The following EYA4 variants were observed in gnomAD, a reference collection of about 807,000 sequenced individuals.
EYA4 encodes the protein protein phosphatase EYA4.
EYA4 carries 31 observed loss-of-function variants against 87.9 expected under a neutral mutation model. That is an observed-to-expected ratio of 0.35 (90% CI 0.27 to 0.48). EYA4 has a LOEUF of 0.48. EYA4 is among the 20% of genes least tolerant of loss of function. The pLI is 0.99. For synonymous variants in EYA4, 263 were observed against 270.6 expected, an observed-to-expected ratio of 0.97 and a Z score of 0.28; for missense variants, 678 against 761.4, an observed-to-expected ratio of 0.89 and a Z score of 1.29.
At chr6:133,433,232 A>G (rs556254888) in intron 3 of EYA4, among the ~76,000 whole-genome samples, 1 of 152,364 alleles carries the variant, frequency 6.6e-6, no homozygotes, top group East Asian at 1.9e-4. Flanking sequence ...TGAGAAGCCA[A>G]TATAAGTTCT....
At chr6:133,393,512 T>A (rs1787485696) in intron 3 of EYA4, among the ~76,000 whole-genome samples, 1 of 151,812 alleles carries the variant, frequency 6.6e-6, no homozygotes, top group African/African-American at 2.4e-5. Context: ...AATGAATGAG[T>A]GAGCCAAGCA....
intron 2 of EYA4, among the ~76,000 whole-genome samples, chr6:133,371,315 C>T (rs1434028385): frequency 2.0e-5 from 3 of 152,100 alleles, no homozygotes; most frequent in Non-Finnish European, 2.9e-5. Context: ...TAAGTTTTCC[C>T]GTTTGGTTTA....
At chr6:133,469,252 C>T (rs980441252) in intron 11 of EYA4, among the ~76,000 whole-genome samples, 12 of 151,950 alleles carry the variant, frequency 7.9e-5, no homozygotes, top group Admixed American at 5.9e-4. Flanking sequence ...ATTTGCGACA[C>T]GTAATTTGAC....
rs76942319 is a variant in EYA4, at chr6:133,453,871, A to G, written c.278-2685A>G. ...AGGGATGGCTTTTCTCAGTAAAATG[A>G]ACTTCCTTTGTCTATCTTTGACTAA... On this transcript the variant is annotated intron_variant, in intron 5 of 19. Coordinates refer to ENST00000355286, the MANE Select transcript of EYA4 (RefSeq NM_004100.5). Among the ~76,000 whole-genome samples the G allele has an allele frequency of 7.6e-3, 1,151 of 152,224 alleles. 22 individuals are homozygous for G. The highest frequency in any genetic ancestry group is 0.026 in the African/African-American group (1,100 of 41,564).
chr6:133,461,619 G>T (rs1794392346), intron 7 of EYA4, among the ~76,000 whole-genome samples: 2 of 152,014 alleles, frequency 1.3e-5, no homozygotes. Flanking sequence ...TATATTGGGT[G>T]TATATCTGAA....
intron 2 of EYA4, among the ~76,000 whole-genome samples, chr6:133,333,023 A>T (rs1269396722): frequency 6.6e-6 from 1 of 152,024 alleles, no homozygotes; most frequent in Non-Finnish European, 1.5e-5. Flanking sequence ...CCAGTTTGTT[A>T]TATTCTCTCA....
At chr6:133,498,447 A>G (rs1797821311) in intron 13 of EYA4, among the ~76,000 whole-genome samples, 1 of 152,246 alleles carries the variant, frequency 6.6e-6, no homozygotes, top group African/African-American at 2.4e-5. Context: ...ATAAACATTC[A>G]GTAAGCATAA....
chr6:133,509,400 T>TAAA (rs150944930), intron 14 of EYA4, among the ~76,000 whole-genome samples: 69 of 139,820 alleles, frequency 4.9e-4, no homozygotes, highest in Admixed American at 3.1e-3. Context: ...GTGCTTTTCT[T>TAAA]AAAAAAAAAA....
intron 2 of EYA4, among the ~76,000 whole-genome samples, chr6:133,355,653 A>G (rs376066826): frequency 6.6e-6 from 1 of 152,206 alleles, no homozygotes; most frequent in Non-Finnish European, 1.5e-5. Context: ...TGATTGCTAT[A>G]TAAGTACCTT....
chr6:133,339,249 G>GGTTA (rs1782608712), intron 2 of EYA4, among the ~76,000 whole-genome samples: 1 of 152,174 alleles, frequency 6.6e-6, no homozygotes, highest in Non-Finnish European at 1.5e-5. Flanking sequence ...AGGCCCATTT[G>GGTTA]GTTAGCATCT....
intron 3 of EYA4, among the ~76,000 whole-genome samples, chr6:133,406,563 A>C (rs1326565153): frequency 6.6e-6 from 1 of 152,234 alleles, no homozygotes; most frequent in Non-Finnish European, 1.5e-5. Context: ...CTCTTCATTA[A>C]AAATGTTCTA....
chr6:133,448,176 A>C lies in EYA4; in HGVS notation c.274A>C (p.Thr92Pro), dbSNP rs1422243347. Residue 92 changes from threonine (T) to proline (P), a missense_variant, in exon 5 of 20, where the codon ACA (threonine) becomes CCA (proline). Thr to Pro is a conservative substitution (Grantham distance 38, BLOSUM62 -1). Coordinates refer to ENST00000355286, the MANE Select transcript of EYA4 (RefSeq NM_004100.5). ...LLSCNTPSSA[T>P]MSLLAVKTEP... is the part of the protein sequence containing the mutation. ...GAGTTGCAACACCCCCTCTTCTGCA[A>C]CAAGTATGAGAGATGCTGGTACACT... 6.2e-7 allele frequency: 1 copy of C among 1,611,742 alleles called. No homozygotes were observed. Among genetic ancestry groups the C allele is most frequent in the Non-Finnish European group, 8.5e-7 (1 of 1,177,916 alleles).
intron 2 of EYA4, among the ~76,000 whole-genome samples, chr6:133,373,880 C>A (rs2128467483): frequency 6.6e-6 from 1 of 152,122 alleles, no homozygotes; most frequent in East Asian, 1.9e-4. Context: ...TGGGAGCTTT[C>A]ATATGAGCTG....
chr6:133,297,506 C>T (rs529317287), intron 2 of EYA4, among the ~76,000 whole-genome samples: 1 of 152,322 alleles, frequency 6.6e-6, no homozygotes, highest in African/African-American at 2.4e-5. Context: ...ACTGAGGGTG[C>T]AGCCCTTCAG....
At chr6:133,526,276 C>A (rs1800624486) in intron 19 of EYA4, among the ~76,000 whole-genome samples, 3 of 152,044 alleles carry the variant, frequency 2.0e-5, no homozygotes, top group Non-Finnish European at 4.4e-5. Flanking sequence ...GACATGCCAG[C>A]CTATACTGTT....
chr6:133,410,521 TA>T (rs1789118351), intron 3 of EYA4, among the ~76,000 whole-genome samples: 1 of 147,566 alleles, frequency 6.8e-6, no homozygotes, highest in Non-Finnish European at 1.5e-5. Flanking sequence ...ATTTACAAAC[TA>T]ACATGAAGTT....
chr6:133,476,387 A>T (rs145542259), intron 11 of EYA4, among the ~76,000 whole-genome samples: 250 of 152,056 alleles, frequency 1.6e-3, no homozygotes, highest in African/African-American at 5.4e-3. Flanking sequence ...ATATCCTTTG[A>T]CCAACAGCTC....
rs183259468 is a variant in EYA4, at chr6:133,274,874, G to A, written c.33+61G>A. 1.0e-4 allele frequency: 126 copies of A among 1,211,660 alleles called. No individual in the cohort carries two copies. In the African/African-American group the frequency reaches 1.6e-3, roughly 16 times the overall value. 75.1% of individuals were successfully genotyped at this position (1,211,660 alleles called of 1,614,324 possible). ...GCGATAACACTACTGAAAATCATAC[G>A]TAAAAGAGATATATTGTAAGAAGTA... is the stretch of plus-strand genomic sequence containing the variant. On this transcript the variant is annotated intron_variant, in intron 2 of 19. Coordinates refer to ENST00000355286, the MANE Select transcript of EYA4 (RefSeq NM_004100.5).
intron 3 of EYA4, among the ~76,000 whole-genome samples, chr6:133,394,112 T>G (rs1269701323): frequency 2.6e-5 from 4 of 152,186 alleles, no homozygotes; most frequent in Non-Finnish European, 5.9e-5. Context: ...TATGAATTTC[T>G]ATCACCTGAT....
Sources: allele counts gnomAD v4.1 joint callset (sites outside exome capture counted in the v4.1 genomes callset), GRCh38; gene constraint gnomAD v4.1.1; transcripts MANE v1.5; gene names NCBI Gene and HGNC (gene_info 2026-07-23, HGNC 2026-07-21).